The following RBFOX2 variants were observed in gnomAD, a reference collection of about 807,000 sequenced individuals.
RBFOX2 encodes the protein RNA binding protein fox-1 homolog 2.
A neutral mutation model predicts 49.1 loss-of-function variants in RBFOX2; 10 were observed. The observed-to-expected ratio is 0.20, with a 90% CI of 0.13 to 0.35. The LOEUF (loss-of-function observed/expected upper bound fraction) is 0.35. Ranked by LOEUF, RBFOX2 falls within the 10% of genes least tolerant of loss-of-function variation. The pLI is 1.00. For synonymous variants in RBFOX2, 183 were observed against 187.4 expected (o/e 0.98, Z 0.19); for missense variants, 323 against 486.9 (o/e 0.66, Z 3.17).
At chr22:35,899,243 A>G (rs931488854) in intron 1 of RBFOX2, among the ~76,000 whole-genome samples, 1 of 152,006 alleles carries the variant, frequency 6.6e-6, no homozygotes, top group Admixed American at 6.6e-5. Context: ...GGAGAAAAAT[A>G]CCAAGAAAAG....
chr22:35,979,218 A>C (rs934117504), intron 1 of RBFOX2, among the ~76,000 whole-genome samples: 1 of 152,236 alleles, frequency 6.6e-6, no homozygotes, highest in Non-Finnish European at 1.5e-5. Context: ...CAAGGACATG[A>C]AAGAAAGGTA....
At chr22:35,762,814 C>G (rs1449138428) in intron 6 of RBFOX2, among the ~76,000 whole-genome samples, 1 of 152,038 alleles carries the variant, frequency 6.6e-6, no homozygotes, top group East Asian at 1.9e-4. Context: ...CCACAATTGG[C>G]CTTTTCAAAA....
chr22:35,964,146 G>C (rs138351098), upstream of RBFOX2, among the ~76,000 whole-genome samples: 173 of 152,166 alleles, frequency 1.1e-3, 1 homozygote, highest in African/African-American at 3.8e-3. Context: ...TTTTTAAAAA[G>C]CCAGGATTCT....
intron 1 of RBFOX2, among the ~76,000 whole-genome samples, chr22:36,004,923 C>T (rs2058564124): frequency 6.6e-6 from 1 of 152,184 alleles, no homozygotes; most frequent in South Asian, 2.1e-4. Context: ...ACTTCTAAAA[C>T]TTCTCACTCT....
At chr22:35,777,888 A>C in intron 4 of RBFOX2, 137 bp downstream of exon 5, 2 of 852,150 alleles carry the variant, frequency 2.3e-6, no homozygotes, top group Middle Eastern at 2.5e-4. Context: ...TTTTAGAGAT[A>C]ATCTAAACCA....
At chr22:35,968,078 T>C (rs1452919582) in intron 1 of RBFOX2, among the ~76,000 whole-genome samples, 4 of 152,180 alleles carry the variant, frequency 2.6e-5, no homozygotes, top group African/African-American at 9.7e-5. Flanking sequence ...CACAATTTCT[T>C]ATCCCTTTCT....
intron 1 of RBFOX2, among the ~76,000 whole-genome samples, chr22:35,904,898 C>A (rs2048962640): frequency 3.9e-5 from 6 of 152,256 alleles, no homozygotes; most frequent in Admixed American, 3.3e-4. Flanking sequence ...GTCAAGTGCT[C>A]AAGAGCCACG....
chr22:36,027,393 C>T (rs1048595442), intron 1 of RBFOX2, among the ~76,000 whole-genome samples: 3 of 152,188 alleles, frequency 2.0e-5, no homozygotes, highest in African/African-American at 4.8e-5. Context: ...CCAAAGGTTT[C>T]AAGGTCTTCT....
intron 1 of RBFOX2, among the ~76,000 whole-genome samples, chr22:35,823,281 C>G (rs539882740): frequency 3.2e-4 from 49 of 152,190 alleles, no homozygotes; most frequent in Non-Finnish European, 4.1e-4. Context: ...CATTTTTGCT[C>G]AGAGAGCTCC....
chr22:35,780,163 T>C (rs1944815103), intron 3 of RBFOX2, among the ~76,000 whole-genome samples: 2 of 152,144 alleles, frequency 1.3e-5, no homozygotes, highest in Admixed American at 1.3e-4. Context: ...CTTCAAATAC[T>C]TCAAGAACAT....
chr22:35,948,452 A>C (rs923251972), intron 1 of RBFOX2, among the ~76,000 whole-genome samples: 1 of 152,164 alleles, frequency 6.6e-6, no homozygotes, highest in Non-Finnish European at 1.5e-5. Flanking sequence ...TAATCTCAGC[A>C]CTTTGGGAAG....
intron 1 of RBFOX2, among the ~76,000 whole-genome samples, chr22:36,013,679 T>C (rs528997307): frequency 6.7e-6 from 1 of 148,272 alleles, no homozygotes; most frequent in East Asian, 2.0e-4. Context: ...AGACCACTAA[T>C]GAAAACTTTA....
chr22:35,856,265 T>C (rs923338303), intron 1 of RBFOX2, among the ~76,000 whole-genome samples: 1 of 152,166 alleles, frequency 6.6e-6, no homozygotes, highest in African/African-American at 2.4e-5. Flanking sequence ...TGTAGTGTTA[T>C]CTGTACACCG....
At chr22:35,869,970 A>G (rs1569429444) in intron 1 of RBFOX2, among the ~76,000 whole-genome samples, 1 of 152,166 alleles carries the variant, frequency 6.6e-6, no homozygotes, top group East Asian at 1.9e-4. Flanking sequence ...ATTTTTTTGA[A>G]CTATACAGTC....
At chr22:35,906,905 C>T (rs368423741) in intron 1 of RBFOX2, among the ~76,000 whole-genome samples, 4 of 152,298 alleles carry the variant, frequency 2.6e-5, no homozygotes, top group South Asian at 4.1e-4. Flanking sequence ...TGGAAAAAAA[C>T]TCAAACTTGA....
At chr22:35,995,872 C>T (rs1461824519) in intron 1 of RBFOX2, 4 of 152,360 alleles carry the variant, frequency 2.6e-5, no homozygotes, top group Non-Finnish European at 2.9e-5. Flanking sequence ...CCAGTGCAAC[C>T]AAGTCACCCT....
intron 1 of RBFOX2, among the ~76,000 whole-genome samples, chr22:35,880,109 C>T (rs1465313094): frequency 6.6e-6 from 1 of 151,540 alleles, no homozygotes; most frequent in East Asian, 1.9e-4. Flanking sequence ...TGAGCCAGAT[C>T]ATGCCACGGC....
At chr22:35,979,572 CAG>C (rs528437715) in intron 1 of RBFOX2, among the ~76,000 whole-genome samples, 56 of 152,258 alleles carry the variant, frequency 3.7e-4, no homozygotes, top group African/African-American at 1.3e-3. Context: ...CACAAACACA[CAG>C]AGTGAGCAAT....
intron 11 of RBFOX2, 71 bp from the exon 14 acceptor site, chr22:35,744,320 C>A: frequency 7.2e-7 from 1 of 1,390,434 alleles, no homozygotes. Context: ...AGAAAAATGT[C>A]CAGAGAGGGA....
Sources: gnomAD v4.1 joint callset for allele counts (sites outside exome capture counted in the v4.1 genomes callset) on GRCh38, gnomAD v4.1.1 for gene constraint, MANE v1.5 for transcripts, NCBI Gene and HGNC (gene_info 2026-07-23, HGNC 2026-07-21) for gene names.